The following PTK2 variants were observed in gnomAD, a reference collection of about 807,000 sequenced individuals.
PTK2 encodes focal adhesion kinase 1.
PTK2 carries 45 observed loss-of-function variants against 150.1 expected under a neutral mutation model. The ratio of observed to expected loss-of-function variants is 0.30; its 90% CI spans 0.24 to 0.38. The LOEUF (loss-of-function observed/expected upper bound fraction) is 0.38, where lower values mean the gene tolerates loss of function less well. Among genes scored for constraint, PTK2 ranks in the 10% least tolerant of loss-of-function variants. The pLI is 1.00. For missense variants in PTK2, 919 were observed against 1,307.3 expected (o/e 0.70, Z 4.58); for synonymous variants, 432 against 449.2 (o/e 0.96, Z 0.48).
At chr8:140,933,185 GTAAT>G (rs2100172499) in intron 1 of PTK2, among the ~76,000 whole-genome samples, 1 of 40,850 alleles carries the variant, frequency 2.4e-5, no homozygotes, top group Non-Finnish European at 5.2e-5. Context: ...TCTAACAACA[GTAAT>G]GAAAAAAAAA....
intron 1 of PTK2, among the ~76,000 whole-genome samples, chr8:140,983,380 C>CAAAAAA (rs34040387): frequency 1.3e-5 from 1 of 78,530 alleles, no homozygotes; most frequent in Non-Finnish European, 2.4e-5. Flanking sequence ...GACTCCATCT[C>CAAAAAA]AAAAAAAAAA....
At chr8:140,675,577 C>G (rs2100013151) in intron 27 of PTK2, 78 bp from the exon 31 acceptor site, 2 of 1,094,306 alleles carry the variant, frequency 1.8e-6, no homozygotes, top group Non-Finnish European at 2.8e-6. Context: ...CCCTGTCTAT[C>G]CACCCCCTTG....
In PTK2 at chr8:140,731,489, G is replaced by T. The variant is rs956476196; in HGVS notation, c.2030+3762C>A. 4.6e-5 allele frequency among the ~76,000 whole-genome samples: 7 copies of T among 152,240 alleles called. No homozygotes were observed. The East Asian group carries it at 1.4e-3, about 29-fold the overall frequency. ...AGTAAACAGGATGTAGGAAGGACAGGTTCCTTGAGTCACAGACATCACCTC... is the reference window on the plus strand; with the variant it reads ...AGTAAACAGGATGTAGGAAGGACAGTTTCCTTGAGTCACAGACATCACCTC... On this transcript the variant is annotated intron_variant, in intron 22 of 31. Coordinates refer to ENST00000522684, the Ensembl canonical transcript of PTK2.
chr8:140,990,944 C>G (rs1199614979), intron 1 of PTK2, among the ~76,000 whole-genome samples: 1 of 152,110 alleles, frequency 6.6e-6, no homozygotes, highest in East Asian at 1.9e-4. Flanking sequence ...TTACTGACCA[C>G]CTATAATGAT....
At position 140,996,348 on chromosome 8, in the gene PTK2, G is replaced by A. The variant is rs554641740; in HGVS notation, c.-122+4777C>T. ...ATAAAAGTGCAAGATGAAGCAGCAAGTGCTGGTGGAGAAGCTGCAGCAAGT... is the reference window on the plus strand; with the variant it reads ...ATAAAAGTGCAAGATGAAGCAGCAAATGCTGGTGGAGAAGCTGCAGCAAGT... On this transcript the variant is annotated intron_variant, in intron 1 of 31. Transcript: ENST00000522684. Among the ~76,000 whole-genome samples the A allele has an allele frequency of 4.3e-4, 66 of 152,360 alleles. 1 individual carries two copies. In the South Asian group the frequency reaches 0.013, roughly 30 times the overall value.
intron 2 of PTK2, among the ~76,000 whole-genome samples, chr8:140,896,023 G>T (rs951162991): frequency 2.0e-5 from 3 of 151,974 alleles, no homozygotes; most frequent in African/African-American, 4.8e-5. Flanking sequence ...ATGAAGAAGA[G>T]AATATAATAA....
At chr8:140,730,963 C>T (rs1325209013) in intron 22 of PTK2, among the ~76,000 whole-genome samples, 8 of 142,324 alleles carry the variant, frequency 5.6e-5, no homozygotes, top group Non-Finnish European at 7.7e-5. Flanking sequence ...ACCCCCCCCC[C>T]CCTTTTTTTT....
intron 1 of PTK2, among the ~76,000 whole-genome samples, chr8:140,932,389 A>G: frequency 6.6e-6 from 1 of 151,670 alleles, no homozygotes; most frequent in East Asian, 1.9e-4. Context: ...TTATTTTTGT[A>G]TTTTTTAGTA....
chr8:140,717,677 T>C (rs2100040535), exon 23 of PTK2: 7 of 1,613,956 alleles, frequency 4.3e-6, no homozygotes, highest in Non-Finnish European at 5.9e-6. Context: ...CATGCGCTCT[T>C]CTTGCTGAGC....
intron 2 of PTK2, among the ~76,000 whole-genome samples, chr8:140,923,895 C>T (rs1189433940): frequency 6.6e-6 from 1 of 152,008 alleles, no homozygotes; most frequent in Non-Finnish European, 1.5e-5. Context: ...CCTACCTGGT[C>T]TCTCTGCTCC....
chr8:140,715,442 G>A (rs2100039191), intron 23 of PTK2, among the ~76,000 whole-genome samples: 1 of 151,970 alleles, frequency 6.6e-6, no homozygotes, highest in Non-Finnish European at 1.5e-5. Flanking sequence ...AAAGTGCTGG[G>A]ATTACAGGGG....
chr8:140,803,005 CTTT>C (rs778981723), intron 11 of PTK2, among the ~76,000 whole-genome samples: 2 of 77,348 alleles, frequency 2.6e-5, no homozygotes, highest in African/African-American at 4.9e-5. Flanking sequence ...TGATGACAAT[CTTT>C]TTTTTTTTTT....
intron 14 of PTK2, among the ~76,000 whole-genome samples, chr8:140,786,238 C>T (rs909185917): frequency 2.0e-5 from 3 of 152,190 alleles, no homozygotes; most frequent in Non-Finnish European, 4.4e-5. Flanking sequence ...AGCTGGCATA[C>T]AGTTGACTGC....
chr8:140,676,417 T>TTA (rs1202924402), intron 27 of PTK2, among the ~76,000 whole-genome samples: 1 of 148,038 alleles, frequency 6.8e-6, no homozygotes, highest in Non-Finnish European at 1.5e-5. Flanking sequence ...TTAATTAATA[T>TTA]ATATATTCCT....
intron 6 of PTK2, 122 bp downstream of exon 6, chr8:140,846,477 C>G (rs1420463715): frequency 8.7e-7 from 1 of 1,145,264 alleles, no homozygotes; most frequent in African/African-American, 1.6e-5. Context: ...TCATAATTTA[C>G]TCAAATTTTA....
chr8:140,866,407 T>C (rs997069233), intron 4 of PTK2, among the ~76,000 whole-genome samples: 1 of 152,236 alleles, frequency 6.6e-6, no homozygotes, highest in African/African-American at 2.4e-5. Flanking sequence ...TCTGTCCATT[T>C]AGTGTATGAC....
chr8:140,898,036 G>A (rs545751203), intron 2 of PTK2, among the ~76,000 whole-genome samples: 7 of 152,272 alleles, frequency 4.6e-5, no homozygotes, highest in East Asian at 1.9e-4. Context: ...CTGTTTTTAC[G>A]TGGCTTAGGC....
chr8:140,793,122 G>C (rs75162747), intron 13 of PTK2, among the ~76,000 whole-genome samples: 2,599 of 152,188 alleles, frequency 0.017, 74 homozygotes, highest in African/African-American at 0.058. Flanking sequence ...TCAACATTAT[G>C]ATTATTCTTT....
chr8:140,865,891 C>T (rs2100138982), intron 4 of PTK2, among the ~76,000 whole-genome samples: 1 of 152,110 alleles, frequency 6.6e-6, no homozygotes. Flanking sequence ...CTCAAGCGAT[C>T]CTCCCACCTC....
Sources: allele counts gnomAD v4.1 joint callset (sites outside exome capture counted in the v4.1 genomes callset), GRCh38; gene constraint gnomAD v4.1.1; transcripts MANE v1.5; gene names NCBI Gene and HGNC (gene_info 2026-07-23, HGNC 2026-07-21).